Variants in PDE1C observed in about 807,000 individuals in gnomAD.
The protein encoded by PDE1C is dual specificity calcium/calmodulin-dependent 3',5'-cyclic nucleotide phosphodiesterase 1C.
Under a neutral mutation model 93.1 loss-of-function variants are expected in PDE1C, and 62 were observed. That is an observed-to-expected ratio of 0.67 (90% CI 0.54 to 0.82). The LOEUF (loss-of-function observed/expected upper bound fraction) is 0.82, where lower values mean the gene tolerates loss of function less well. Ranked by LOEUF, PDE1C falls within the 40% of genes least tolerant of loss-of-function variation. The pLI, the probability that PDE1C is intolerant of heterozygous loss-of-function variation, is 0.00. For missense variants in PDE1C, 742 were observed against 884.6 expected, an observed-to-expected ratio of 0.84 and a Z score of 2.04; for synonymous variants, 325 against 310.1, an observed-to-expected ratio of 1.05 and a Z score of -0.50.
Position 31,824,858 on chromosome 7 carries a change from C to T in PDE1C, c.1406+9G>A. 2.5e-6 allele frequency: 4 copies of T among 1,612,352 alleles called. No individual in the cohort carries two copies. The highest frequency in any genetic ancestry group is 2.5e-6 in the Non-Finnish European group (3 of 1,178,820). On this transcript the variant is annotated intron_variant, in intron 13 of 17. Transcript: ENST00000396191. The stretch of plus-strand genomic sequence containing the variant: ...ACCTCACCCTCAGCCCTCAAGCTTC[C>T]CCACTGACCTCGAACGCCTCTGTCC...
chr7:31,646,573 C>G, the PDE1C span, among the ~76,000 whole-genome samples: 1 of 152,148 alleles, frequency 6.6e-6, no homozygotes, highest in African/African-American at 2.4e-5. Context: ...AGTGTGGACC[C>G]GAGCTCTTCT....
At chr7:32,081,584 A>G (rs1220729145) in intron 3 of PDE1C, among the ~76,000 whole-genome samples, 2 of 152,216 alleles carry the variant, frequency 1.3e-5, no homozygotes, top group African/African-American at 2.4e-5. Flanking sequence ...CTGCCAGATC[A>G]ATGCTCAGCA....
At chr7:31,958,063 T>C (rs769670129) in intron 2 of PDE1C, among the ~76,000 whole-genome samples, 20 of 152,352 alleles carry the variant, frequency 1.3e-4, no homozygotes, top group Non-Finnish European at 2.4e-4. Context: ...ATGCTTCTTC[T>C]GGCTTAAAAA....
At chr7:31,745,482 G>T in the PDE1C span, among the ~76,000 whole-genome samples, 1 of 152,106 alleles carries the variant, frequency 6.6e-6, no homozygotes, top group African/African-American at 2.4e-5. Context: ...TGTAATTTGT[G>T]GGAGAATGAT....
chr7:32,104,571 G>A (rs1359495425), intron 3 of PDE1C, among the ~76,000 whole-genome samples: 1 of 152,042 alleles, frequency 6.6e-6, no homozygotes, highest in African/African-American at 2.4e-5. Flanking sequence ...TGTTTTTTGG[G>A]TCCCATGTCA....
chr7:31,708,409 A>G, the PDE1C span: 1 of 152,218 alleles, frequency 6.6e-6, no homozygotes, highest in Non-Finnish European at 1.5e-5. Flanking sequence ...TCTCACAAAG[A>G]TGGAAAAGAT....
At chr7:31,754,849 A>G (rs1794354039) in intron 17 of PDE1C, among the ~76,000 whole-genome samples, 1 of 152,246 alleles carries the variant, frequency 6.6e-6, no homozygotes, top group South Asian at 2.1e-4. Context: ...CAAGACCCAT[A>G]CAACTTTATA....
At chr7:32,158,703 G>A (rs1449718920) in intron 3 of PDE1C, among the ~76,000 whole-genome samples, 5 of 152,120 alleles carry the variant, frequency 3.3e-5, no homozygotes, top group African/African-American at 9.7e-5. Flanking sequence ...TCGATGCTAC[G>A]TGTGCAGGAG....
At chr7:31,620,443 G>A in the PDE1C span, among the ~76,000 whole-genome samples, 31 of 151,770 alleles carry the variant, frequency 2.0e-4, no homozygotes, top group South Asian at 4.8e-3. Context: ...AGCAGCATTC[G>A]AGATTCACGA....
intron 1 of PDE1C, among the ~76,000 whole-genome samples, chr7:32,059,477 T>C (rs1459221049): frequency 1.3e-5 from 2 of 152,092 alleles, no homozygotes; most frequent in African/African-American, 4.8e-5. Flanking sequence ...GCTCCTGTCC[T>C]CCCAAAGCAA....
intron 2 of PDE1C, among the ~76,000 whole-genome samples, chr7:31,973,505 A>G (rs1312658512): frequency 6.6e-6 from 1 of 152,216 alleles, no homozygotes. Flanking sequence ...AAAACTTTGC[A>G]TAACAACAGC....
At chr7:32,201,844 T>G (rs1361538571) in intron 2 of PDE1C, among the ~76,000 whole-genome samples, 2 of 152,234 alleles carry the variant, frequency 1.3e-5, no homozygotes, top group African/African-American at 4.8e-5. Context: ...CTCTTGTTCA[T>G]CCCTTCTTAA....
At chr7:31,818,116 T>C (rs753327419) in intron 14 of PDE1C, among the ~76,000 whole-genome samples, 1 of 152,188 alleles carries the variant, frequency 6.6e-6, no homozygotes, top group Non-Finnish European at 1.5e-5. Context: ...AAATGTTAAA[T>C]GTTTGCCATT....
At chr7:32,189,840 A>G (rs1804115740) in intron 2 of PDE1C, among the ~76,000 whole-genome samples, 2 of 152,238 alleles carry the variant, frequency 1.3e-5, no homozygotes, top group Admixed American at 6.5e-5. Flanking sequence ...TGCTGATAAT[A>G]AAGACACTAA....
chr7:31,816,688 G>A (rs1788312802), intron 14 of PDE1C, among the ~76,000 whole-genome samples: 1 of 152,012 alleles, frequency 6.6e-6, no homozygotes, highest in Admixed American at 6.6e-5. Context: ...AAACAAAAAG[G>A]GAAAATATCC....
chr7:31,800,780 A>AGATTG (rs1785910466), intron 16 of PDE1C, among the ~76,000 whole-genome samples: 1 of 151,446 alleles, frequency 6.6e-6, no homozygotes, highest in South Asian at 2.1e-4. Context: ...AAAAAAGCAT[A>AGATTG]CTAGGATTTT....
chr7:31,643,855 T>G, the PDE1C span: 5 of 1,613,932 alleles, frequency 3.1e-6, no homozygotes, highest in Non-Finnish European at 4.2e-6. Flanking sequence ...ACCCTCAGTC[T>G]GTAGGCACTG....
intron 2 of PDE1C, among the ~76,000 whole-genome samples, chr7:31,882,337 G>A (rs766366503): frequency 1.3e-5 from 2 of 152,156 alleles, no homozygotes; most frequent in Admixed American, 6.5e-5. Flanking sequence ...GAGGCAGCAC[G>A]AGACAGGGAG....
chr7:31,721,578 T>C, the PDE1C span, among the ~76,000 whole-genome samples: 3 of 152,212 alleles, frequency 2.0e-5, no homozygotes, highest in Admixed American at 6.5e-5. Flanking sequence ...TCTGAGTATA[T>C]AGAAACCAGA....
Sources: gnomAD v4.1 joint callset for allele counts (sites outside exome capture counted in the v4.1 genomes callset) on GRCh38, gnomAD v4.1.1 for gene constraint, MANE v1.5 for transcripts, NCBI Gene and HGNC (gene_info 2026-07-23, HGNC 2026-07-21) for gene names.